The following SYT16 variants were observed in gnomAD, a reference collection of about 807,000 sequenced individuals.
SYT16 encodes the protein synaptotagmin-16.
Under a neutral mutation model 61.4 loss-of-function variants are expected in SYT16, and 42 were observed. The observed-to-expected ratio is 0.68, with a 90% CI of 0.53 to 0.89. SYT16 has a LOEUF of 0.89. SYT16 is among the 40% of genes least tolerant of loss of function. The pLI, the probability that SYT16 is intolerant of heterozygous loss-of-function variation, is 0.00. For synonymous variants in SYT16, 314 were observed against 302.3 expected, an observed-to-expected ratio of 1.04 and a Z score of -0.40; for missense variants, 804 against 807.3, an observed-to-expected ratio of 1.00 and a Z score of 0.05.
chr14:62,037,771 C>T (rs2054567674), intron 3 of SYT16, among the ~76,000 whole-genome samples: 1 of 152,132 alleles, frequency 6.6e-6, no homozygotes, highest in Non-Finnish European at 1.5e-5. Context: ...CAACAATGGA[C>T]TTGGCATGTC....
chr14:61,914,979 TCTC>T (rs1459556494), intron 1 of SYT16, among the ~76,000 whole-genome samples: 1 of 152,146 alleles, frequency 6.6e-6, no homozygotes, highest in African/African-American at 2.4e-5. Context: ...TGCGGCCTCA[TCTC>T]CTCCAACTCT....
chr14:62,007,910 A>T (rs2053287812), intron 3 of SYT16, among the ~76,000 whole-genome samples: 1 of 151,520 alleles, frequency 6.6e-6, no homozygotes, highest in African/African-American at 2.4e-5. Flanking sequence ...TCACTTGATA[A>T]TTTTTTTTTA....
intron 3 of SYT16, among the ~76,000 whole-genome samples, chr14:62,033,702 C>T (rs1398171371): frequency 8.0e-6 from 1 of 125,054 alleles, no homozygotes; most frequent in Non-Finnish European, 1.7e-5. Context: ...ATCATACACA[C>T]AATAAACTCA....
intron 1 of SYT16, among the ~76,000 whole-genome samples, chr14:61,859,746 A>T (rs983070176): frequency 6.6e-6 from 1 of 152,098 alleles, no homozygotes; most frequent in Admixed American, 6.5e-5. Context: ...TCACAGGAAG[A>T]TGAAGGCATC....
chr14:61,999,838 G>A (rs1456944612), intron 3 of SYT16, among the ~76,000 whole-genome samples: 1 of 151,540 alleles, frequency 6.6e-6, no homozygotes, highest in South Asian at 2.1e-4. Flanking sequence ...TGTTGATTAA[G>A]TTCCAAATAT....
intron 3 of SYT16, among the ~76,000 whole-genome samples, chr14:62,041,412 T>C (rs2054725689): frequency 6.6e-6 from 1 of 152,228 alleles, no homozygotes; most frequent in South Asian, 2.1e-4. Context: ...ATTATATGCC[T>C]TGATAGAGTT....
At chr14:62,075,484 T>A (rs75564103) in intron 5 of SYT16, 93 bp downstream of exon 5, 52,267 of 1,097,934 alleles carry the variant, frequency 0.048, 446 homozygotes, top group East Asian at 0.12. Flanking sequence ...AAAAAAAAAA[T>A]TCCAGAAAGG....
intron 1 of SYT16, among the ~76,000 whole-genome samples, chr14:61,814,447 A>G (rs1033503122): frequency 6.6e-6 from 1 of 152,240 alleles, no homozygotes. Context: ...GCAGTGAGAC[A>G]CTGTTCTGCT....
intron 3 of SYT16, among the ~76,000 whole-genome samples, chr14:62,047,064 T>C (rs1595257148): frequency 6.6e-6 from 1 of 152,352 alleles, no homozygotes; most frequent in Admixed American, 6.5e-5. Flanking sequence ...ATTTTCACAA[T>C]ATTGATTCTT....
intron 2 of SYT16, among the ~76,000 whole-genome samples, chr14:61,983,924 A>G (rs1322655653): frequency 6.6e-6 from 1 of 152,208 alleles, no homozygotes; most frequent in Non-Finnish European, 1.5e-5. Context: ...GTGGTAATTT[A>G]TAGTTGCCAC....
At chr14:62,077,567 A>G (rs1293990210) in intron 5 of SYT16, 1 of 152,210 alleles carries the variant, frequency 6.6e-6, no homozygotes, top group Non-Finnish European at 1.5e-5. Context: ...AGTTAATTAA[A>G]ATCTGCCAAA....
chr14:61,999,223 A>C (rs777739002), intron 3 of SYT16, among the ~76,000 whole-genome samples: 21 of 151,856 alleles, frequency 1.4e-4, no homozygotes, highest in Non-Finnish European at 2.4e-4. Flanking sequence ...AATGTTTGCT[A>C]GAATTTTTCA....
intron 1 of SYT16, among the ~76,000 whole-genome samples, chr14:61,846,354 A>G (rs1306658271): frequency 1.3e-5 from 2 of 152,100 alleles, no homozygotes; most frequent in Admixed American, 1.3e-4. Flanking sequence ...TTGGGTGCAT[A>G]TGTATTTAAA....
chr14:61,858,140 A>AG (rs1437296886), intron 1 of SYT16, among the ~76,000 whole-genome samples: 4 of 148,298 alleles, frequency 2.7e-5, no homozygotes, highest in African/African-American at 1.0e-4. Context: ...AAAAAAAAAA[A>AG]AAAGAAAGAA....
At position 61,912,224 on chromosome 14, in the gene SYT16, G is replaced by A. The variant is rs184338785; in HGVS notation, c.-324-57908G>A. Among the ~76,000 whole-genome samples, 485 of 152,254 alleles carry A rather than the reference G, an allele frequency of 3.2e-3. 1 individual carries two copies. Among genetic ancestry groups the A allele is most frequent in the Middle Eastern group, 6.8e-3 (2 of 294 alleles). On this transcript the variant is annotated intron_variant, in intron 1 of 7. Transcript: ENST00000683842. ...CTTACCTCTAATTTGAAAAGACTTT[G>A]CTAAGCACTGAGAAACAGAATTATG...
chr14:61,829,758 C>T lies in SYT16; in HGVS notation c.-325+16948C>T, dbSNP rs369450910. 9.9e-5 allele frequency among the ~76,000 whole-genome samples: 15 copies of T among 152,052 alleles called. No homozygotes were observed. In the East Asian group the frequency reaches 2.3e-3, roughly 24 times the overall value. On this transcript the variant is annotated intron_variant, in intron 1 of 7. Coordinates refer to ENST00000683842, the MANE Select transcript of SYT16 (RefSeq NM_001367656.1). ...CAAGCTCCGCCTCCCGGGTTCATGCCATTCTCCTGCCTCAGCCTCCCGAGT... is the reference window on the plus strand; with the variant it reads ...CAAGCTCCGCCTCCCGGGTTCATGCTATTCTCCTGCCTCAGCCTCCCGAGT...
intron 1 of SYT16, among the ~76,000 whole-genome samples, chr14:61,856,459 A>G (rs1219557897): frequency 3.3e-5 from 5 of 152,226 alleles, no homozygotes; most frequent in Non-Finnish European, 1.5e-5. Context: ...TGAGGATAGA[A>G]CAGACAGGAT....
At chr14:61,816,294 A>T (rs1225409103) in intron 1 of SYT16, among the ~76,000 whole-genome samples, 1 of 138,202 alleles carries the variant, frequency 7.2e-6, no homozygotes, top group Non-Finnish European at 1.6e-5. Context: ...GTCCTGGAAG[A>T]GGGTGGGTGG....
chr14:62,029,159 C>G (rs945619620), intron 3 of SYT16, among the ~76,000 whole-genome samples: 1 of 152,114 alleles, frequency 6.6e-6, no homozygotes, highest in East Asian at 1.9e-4. Context: ...GAGACAGTCC[C>G]GCTCTGTTGT....
Sources: gnomAD v4.1 joint callset for allele counts (sites outside exome capture counted in the v4.1 genomes callset) on GRCh38, gnomAD v4.1.1 for gene constraint, MANE v1.5 for transcripts, NCBI Gene and HGNC (gene_info 2026-07-23, HGNC 2026-07-21) for gene names.